The following CCDC146 variants were observed in gnomAD, a reference collection of about 807,000 sequenced individuals.
The protein encoded by CCDC146 is coiled-coil domain containing 146.
In CCDC146, 92 loss-of-function variants were observed where a neutral mutation model predicts 119.3. The ratio of observed to expected loss-of-function variants is 0.77; its 90% CI spans 0.65 to 0.92. The LOEUF (loss-of-function observed/expected upper bound fraction) is 0.92. CCDC146 is among the 40% of genes least tolerant of loss of function. The pLI is 0.00. For synonymous variants in CCDC146, 372 were observed against 371.8 expected, an observed-to-expected ratio of 1.00 and a Z score of -0.01; for missense variants, 1,000 against 1,103.0, an observed-to-expected ratio of 0.91 and a Z score of 1.32.
chr7:77,211,259 A>C (rs1409168397), intron 2 of CCDC146, among the ~76,000 whole-genome samples: 1 of 152,198 alleles, frequency 6.6e-6, no homozygotes, highest in Non-Finnish European at 1.5e-5. Flanking sequence ...CCACCTAAGC[A>C]TGAATCTCTA....
intron 1 of CCDC146, among the ~76,000 whole-genome samples, chr7:77,154,375 T>C (rs949937568): frequency 5.3e-5 from 8 of 152,150 alleles, no homozygotes; most frequent in African/African-American, 1.9e-4. Flanking sequence ...GTTTCATATG[T>C]ATACATGTTC....
chr7:77,141,119 T>C (rs1790925988), intron 1 of CCDC146, among the ~76,000 whole-genome samples: 1 of 152,182 alleles, frequency 6.6e-6, no homozygotes, highest in African/African-American at 2.4e-5. Context: ...CCTCCCTGTG[T>C]CCCTGTGTTC....
intron 3 of CCDC146, 152 bp from the exon 4 acceptor site, chr7:77,241,539 G>A (rs1476883657): frequency 9.2e-6 from 6 of 655,328 alleles, no homozygotes; most frequent in East Asian, 5.4e-5. Context: ...GTGGACTCAC[G>A]GACATGAAGG....
At chr7:77,168,905 AT>A (rs1435829749) in intron 2 of CCDC146, among the ~76,000 whole-genome samples, 1 of 152,058 alleles carries the variant, frequency 6.6e-6, no homozygotes, top group African/African-American at 2.4e-5. Context: ...TTTCCTAAAA[AT>A]ATATTCATTC....
intron 2 of CCDC146, among the ~76,000 whole-genome samples, chr7:77,209,696 C>T (rs1792146455): frequency 6.6e-6 from 1 of 152,228 alleles, no homozygotes; most frequent in African/African-American, 2.4e-5. Flanking sequence ...GCCTGGACAT[C>T]CGGGCATTTC....
At chr7:77,201,993 G>A (rs947160187) in intron 2 of CCDC146, among the ~76,000 whole-genome samples, 3 of 152,158 alleles carry the variant, frequency 2.0e-5, no homozygotes, top group Non-Finnish European at 4.4e-5. Flanking sequence ...ATTGTGAAAT[G>A]TCCTTGACTG....
intron 2 of CCDC146, among the ~76,000 whole-genome samples, chr7:77,222,947 G>T (rs1415632129): frequency 6.6e-6 from 1 of 152,208 alleles, no homozygotes; most frequent in African/African-American, 2.4e-5. Flanking sequence ...TATTCTAGTG[G>T]TTTTATCCTG....
chr7:77,194,164 A>T (rs1791822453), intron 2 of CCDC146: 1 of 152,086 alleles, frequency 6.6e-6, no homozygotes, highest in African/African-American at 2.4e-5. Flanking sequence ...CATTAAATTA[A>T]TGGACACCGT....
At chr7:77,239,993 A>T (rs540147457) in intron 3 of CCDC146, among the ~76,000 whole-genome samples, 3 of 152,216 alleles carry the variant, frequency 2.0e-5, no homozygotes, top group Non-Finnish European at 2.9e-5. Flanking sequence ...AAATTTATTT[A>T]TATTCATAAT....
intron 1 of CCDC146, among the ~76,000 whole-genome samples, chr7:77,145,663 A>C (rs1791006214): frequency 6.6e-6 from 1 of 152,078 alleles, no homozygotes; most frequent in Non-Finnish European, 1.5e-5. Context: ...TTCTGCCTTC[A>C]CTTCGTTATG....
At chr7:77,133,184 T>G (rs1790811320) in intron 1 of CCDC146, among the ~76,000 whole-genome samples, 1 of 150,826 alleles carries the variant, frequency 6.6e-6, no homozygotes. Flanking sequence ...AAAAAAAAAT[T>G]TTTTTTGGCA....
intron 9 of CCDC146, among the ~76,000 whole-genome samples, chr7:77,272,746 A>G (rs1793549933): frequency 6.6e-6 from 1 of 152,170 alleles, no homozygotes; most frequent in Admixed American, 6.6e-5. Context: ...AAAGAATCTG[A>G]CAAGCTCATT....
chr7:77,219,613 AC>A (rs1792364206), intron 2 of CCDC146, among the ~76,000 whole-genome samples: 1 of 152,242 alleles, frequency 6.6e-6, no homozygotes, highest in African/African-American at 2.4e-5. Context: ...TAACTTTAGA[AC>A]TTTTAAATGT....
intron 2 of CCDC146, among the ~76,000 whole-genome samples, chr7:77,207,468 C>T (rs536592147): frequency 1.0e-3 from 152 of 152,152 alleles, no homozygotes; most frequent in African/African-American, 3.6e-3. Context: ...TATTTGTAGG[C>T]AGTATTTTGA....
chr7:77,123,248 A>AG (rs1231988471), intron 1 of CCDC146, among the ~76,000 whole-genome samples: 1 of 150,764 alleles, frequency 6.6e-6, no homozygotes, highest in Non-Finnish European at 1.5e-5. Flanking sequence ...GTGAAAAAAA[A>AG]AAAGACACAA....
At chr7:77,256,547 T>G (rs1793182400) in intron 6 of CCDC146, 38 bp downstream of exon 6, 2 of 1,529,218 alleles carry the variant, frequency 1.3e-6, no homozygotes, top group Non-Finnish European at 1.8e-6. Flanking sequence ...CATTGTGCCT[T>G]GCATGGATAT....
intron 2 of CCDC146, among the ~76,000 whole-genome samples, chr7:77,179,678 A>G (rs759287437): frequency 6.6e-6 from 1 of 152,154 alleles, no homozygotes; most frequent in Non-Finnish European, 1.5e-5. Context: ...AATTCCTAAT[A>G]GTGGGATTGC....
chr7:77,145,497 T>G lies in CCDC146; in HGVS notation c.-11-22161T>G, dbSNP rs528205710. On this transcript the variant is annotated intron_variant, in intron 1 of 18. Transcript: ENST00000285871. ...TTTGCTCTTGCTTCTCTAGTTCTTT[T>G]AATTGTGATGTTAGGGTGTCAGTTT... Among the ~76,000 whole-genome samples the G allele has an allele frequency of 2.4e-4, 37 of 151,746 alleles. No individual in the cohort carries two copies. The East Asian group carries it at 6.7e-3, about 28-fold the overall frequency.
intron 15 of CCDC146, among the ~76,000 whole-genome samples, chr7:77,284,137 A>G (rs909395971): frequency 1.6e-4 from 25 of 152,208 alleles, no homozygotes; most frequent in African/African-American, 5.5e-4. Flanking sequence ...TCCTCAGGCT[A>G]CACCTACACA....
Sources: allele counts gnomAD v4.1 joint callset (sites outside exome capture counted in the v4.1 genomes callset), GRCh38; gene constraint gnomAD v4.1.1; transcripts MANE v1.5; gene names NCBI Gene and HGNC (gene_info 2026-07-23, HGNC 2026-07-21).